The following EPHB2 variants were observed in gnomAD, a reference collection of about 807,000 sequenced individuals.
EPHB2 encodes ephrin type-B receptor 2.
Under a neutral mutation model 96.4 loss-of-function variants are expected in EPHB2, and 18 were observed. The observed-to-expected ratio is 0.19, with a 90% CI of 0.13 to 0.28. The LOEUF (loss-of-function observed/expected upper bound fraction) is 0.28. EPHB2 is among the 10% of genes least tolerant of loss of function. The pLI, the probability that EPHB2 is intolerant of heterozygous loss-of-function variation, is 1.00. For missense variants in EPHB2, 989 were observed against 1,355.4 expected (o/e 0.73, Z 4.25); for synonymous variants, 506 against 534.1 (o/e 0.95, Z 0.72).
Position 22,784,333 on chromosome 1 carries a change from C to A in EPHB2, c.127-59C>A. 6.5e-7 allele frequency: 1 copy of A among 1,546,542 alleles called. No individual in the cohort carries two copies. The highest frequency in any genetic ancestry group is 8.9e-7 in the Non-Finnish European group (1 of 1,121,726). On this transcript the variant is annotated intron_variant, in intron 2 of 15. Coordinates refer to ENST00000374630, the MANE Select transcript of EPHB2 (RefSeq NM_017449.5). This position sits in a 1 kb window ranked among gnomAD's most constrained non-coding sequence, Gnocchi z 5.1. ...CAGAGTCTGTGTCTTCCACCTTAGA[C>A]TGAGTGTGTGCTGGGGCTGAGCCCT...
chr1:22,841,857 C>T (rs965863955), intron 3 of EPHB2, among the ~76,000 whole-genome samples: 3 of 152,128 alleles, frequency 2.0e-5, no homozygotes, highest in South Asian at 2.1e-4. Flanking sequence ...TTAATGCATG[C>T]GGGGTACAGA....
intron 9 of EPHB2, among the ~76,000 whole-genome samples, chr1:22,898,574 G>T (rs117660027): frequency 6.6e-6 from 1 of 152,184 alleles, no homozygotes; most frequent in Non-Finnish European, 1.5e-5. Context: ...GAGTGAAATG[G>T]GGAGCTGCTG....
At chr1:22,762,205 G>A (rs1030078052) in intron 1 of EPHB2, among the ~76,000 whole-genome samples, 1 of 152,152 alleles carries the variant, frequency 6.6e-6, no homozygotes, top group Non-Finnish European at 1.5e-5. Flanking sequence ...ATGGCACCAG[G>A]GGCTGCTGGG....
At chr1:22,873,101 G>C (rs370821214) in intron 5 of EPHB2, among the ~76,000 whole-genome samples, 44 of 152,358 alleles carry the variant, frequency 2.9e-4, no homozygotes, top group African/African-American at 1.0e-3. Context: ...CAGTAGTGCT[G>C]GTTAACAATC....
chr1:22,809,209 T>C (rs1644970320), intron 3 of EPHB2, among the ~76,000 whole-genome samples: 2 of 152,182 alleles, frequency 1.3e-5, no homozygotes, highest in African/African-American at 4.8e-5. Flanking sequence ...CCAAGATGAG[T>C]TGCAGAAGCT....
intron 5 of EPHB2, among the ~76,000 whole-genome samples, chr1:22,873,302 G>A (rs1638732733): frequency 6.6e-6 from 1 of 152,182 alleles, no homozygotes; most frequent in African/African-American, 2.4e-5. Flanking sequence ...CCACTGGTCT[G>A]GAGTGGCCCT....
At chr1:22,778,130 A>G (rs986138967) in intron 1 of EPHB2, among the ~76,000 whole-genome samples, 1 of 151,850 alleles carries the variant, frequency 6.6e-6, no homozygotes, top group African/African-American at 2.4e-5. Context: ...GGTTCAAGCA[A>G]TTTTCATGCC....
intron 9 of EPHB2, among the ~76,000 whole-genome samples, chr1:22,899,780 T>G (rs1328893659): frequency 6.6e-6 from 1 of 151,492 alleles, no homozygotes; most frequent in Non-Finnish European, 1.5e-5. Context: ...ATCACTTGAG[T>G]CCAGGAGTTC....
chr1:22,823,769 C>G (rs986704248), intron 3 of EPHB2, among the ~76,000 whole-genome samples: 2 of 152,246 alleles, frequency 1.3e-5, no homozygotes, highest in African/African-American at 4.8e-5. Flanking sequence ...CTAAGCTTTT[C>G]CTCATCTCTG....
At chr1:22,859,121 C>T (rs970127215) in intron 3 of EPHB2, among the ~76,000 whole-genome samples, 2 of 151,968 alleles carry the variant, frequency 1.3e-5, no homozygotes, top group African/African-American at 4.8e-5. Flanking sequence ...CTGGTCAACA[C>T]AGCGAGACTC....
At chr1:22,741,679 C>CCTGGTTTTCAGCAA (rs1643904063) in intron 1 of EPHB2, among the ~76,000 whole-genome samples, 1 of 73,882 alleles carries the variant, frequency 1.4e-5, no homozygotes, top group African/African-American at 4.4e-5. Context: ...TTCTTCCCAG[C>CCTGGTTTTCAGCAA]AAAAAAAAAC....
intron 9 of EPHB2, among the ~76,000 whole-genome samples, chr1:22,904,108 C>A (rs1332429541): frequency 1.3e-5 from 2 of 152,138 alleles, no homozygotes; most frequent in East Asian, 3.8e-4. Flanking sequence ...GCCAACATGG[C>A]AAAACCTATT....
chr1:22,851,605 G>A (rs769580573), intron 3 of EPHB2, among the ~76,000 whole-genome samples: 4 of 152,194 alleles, frequency 2.6e-5, no homozygotes, highest in African/African-American at 9.7e-5. Context: ...CCCTGTCTGG[G>A]TCTTGTATTT....
intron 1 of EPHB2, among the ~76,000 whole-genome samples, chr1:22,775,015 T>A (rs147517118): frequency 9.6e-4 from 147 of 152,336 alleles, no homozygotes; most frequent in South Asian, 2.1e-3. Flanking sequence ...GATTCTGGCC[T>A]GGGCAGTCTA....
chr1:22,904,305 AAATT>A (rs1268236550), intron 9 of EPHB2, among the ~76,000 whole-genome samples: 1 of 98,198 alleles, frequency 1.0e-5, no homozygotes, highest in Non-Finnish European at 2.1e-5. Flanking sequence ...AAAAAAAAAA[AAATT>A]AATTAAAAAA....
chr1:22,833,450 A>G (rs544480032), intron 3 of EPHB2, among the ~76,000 whole-genome samples: 1 of 152,312 alleles, frequency 6.6e-6, no homozygotes, highest in Admixed American at 6.5e-5. Context: ...AGTAGGTGGA[A>G]CAAAAATACA....
At chr1:22,750,034 A>G (rs879713030) in intron 1 of EPHB2, among the ~76,000 whole-genome samples, 16 of 152,236 alleles carry the variant, frequency 1.1e-4, no homozygotes, top group Admixed American at 3.9e-4. Flanking sequence ...TATCTCATTA[A>G]TAAGCCCCCA....
chr1:22,737,993 T>TA (rs1346315683), intron 1 of EPHB2, among the ~76,000 whole-genome samples: 3 of 152,176 alleles, frequency 2.0e-5, no homozygotes, highest in Admixed American at 6.5e-5. Flanking sequence ...AGGCAGCTCT[T>TA]ACATCAACCT....
chr1:22,734,872 C>T (rs10442639), intron 1 of EPHB2, among the ~76,000 whole-genome samples: 42,315 of 152,148 alleles, frequency 0.28, 7,193 homozygotes, highest in South Asian at 0.53. Context: ...TTACAGATTA[C>T]AAGCCTCTGT....
Sources: gnomAD v4.1 joint callset for allele counts (sites outside exome capture counted in the v4.1 genomes callset) on GRCh38, gnomAD v4.1.1 for gene constraint, Gnocchi (gnomAD v3.1) non-coding constraint, MANE v1.5 for transcripts, NCBI Gene and HGNC (gene_info 2026-07-23, HGNC 2026-07-21) for gene names.